Variants in NKAIN2 observed in about 807,000 individuals in gnomAD.
The protein encoded by NKAIN2 is sodium/potassium-transporting ATPase subunit beta-1-interacting protein 2.
A neutral mutation model predicts 32.6 loss-of-function variants in NKAIN2; 14 were observed. That is an observed-to-expected ratio of 0.43 (90% CI 0.28 to 0.67). The LOEUF (loss-of-function observed/expected upper bound fraction) is 0.67, where lower values mean the gene tolerates loss of function less well. Among genes scored for constraint, NKAIN2 ranks in the 30% least tolerant of loss-of-function variants. NKAIN2 has a pLI of 0.17. For missense variants in NKAIN2, 198 were observed against 258.3 expected, an observed-to-expected ratio of 0.77 and a Z score of 1.60; for synonymous variants, 80 against 87.2, an observed-to-expected ratio of 0.92 and a Z score of 0.46.
intron 2 of NKAIN2, among the ~76,000 whole-genome samples, chr6:124,348,351 G>A (rs1292815127): frequency 6.6e-6 from 1 of 152,190 alleles, no homozygotes; most frequent in Admixed American, 6.5e-5. Context: ...GAGAACCACT[G>A]CTCTCCTCAA....
At chr6:124,397,732 C>G (rs1305938708) in intron 3 of NKAIN2, among the ~76,000 whole-genome samples, 1 of 152,076 alleles carries the variant, frequency 6.6e-6, no homozygotes, top group Non-Finnish European at 1.5e-5. Context: ...GTCAGGTAGT[C>G]AGGTGTTATT....
At chr6:124,660,045 C>G (rs1345570912) in intron 4 of NKAIN2, among the ~76,000 whole-genome samples, 2 of 151,990 alleles carry the variant, frequency 1.3e-5, no homozygotes. Flanking sequence ...TGGAAGTAGC[C>G]ATTTCATTCT....
intron 1 of NKAIN2, among the ~76,000 whole-genome samples, chr6:124,126,941 C>A (rs1024704687): frequency 6.6e-6 from 1 of 151,808 alleles, no homozygotes; most frequent in Non-Finnish European, 1.5e-5. Context: ...AGAATGAGAC[C>A]CTGTCTCAAA....
At chr6:124,288,987 G>C (rs1174583919) in intron 2 of NKAIN2, among the ~76,000 whole-genome samples, 3 of 152,010 alleles carry the variant, frequency 2.0e-5, no homozygotes, top group Admixed American at 2.0e-4. Flanking sequence ...TACTGAAAAA[G>C]CAAGAGATGA....
intron 1 of NKAIN2, among the ~76,000 whole-genome samples, chr6:124,108,408 T>C (rs1336848174): frequency 2.0e-5 from 3 of 152,084 alleles, no homozygotes; most frequent in Non-Finnish European, 4.4e-5. Flanking sequence ...AGTGATTCCT[T>C]ATATATTTTA....
intron 4 of NKAIN2, among the ~76,000 whole-genome samples, chr6:124,773,877 C>T (rs1472375705): frequency 6.6e-6 from 1 of 152,190 alleles, no homozygotes; most frequent in Non-Finnish European, 1.5e-5. Context: ...GAAAATATTG[C>T]ATGCCTAAAA....
intron 1 of NKAIN2, among the ~76,000 whole-genome samples, chr6:123,885,334 T>G (rs537690098): frequency 1.3e-5 from 2 of 152,256 alleles, no homozygotes; most frequent in Non-Finnish European, 2.9e-5. Context: ...GACTTTGACA[T>G]CCTACAGTTT....
At chr6:124,010,287 A>G (rs1278200192) in intron 1 of NKAIN2, among the ~76,000 whole-genome samples, 1 of 151,964 alleles carries the variant, frequency 6.6e-6, no homozygotes, top group Non-Finnish European at 1.5e-5. Flanking sequence ...TTTAACTGAT[A>G]AGGGTCTACA....
intron 1 of NKAIN2, among the ~76,000 whole-genome samples, chr6:124,055,434 G>A (rs1782598472): frequency 6.6e-6 from 1 of 151,956 alleles, no homozygotes; most frequent in African/African-American, 2.4e-5. Flanking sequence ...AAATGGTAAG[G>A]TGATTTGAGA....
At chr6:124,662,639 G>T (rs143820807) in intron 4 of NKAIN2, among the ~76,000 whole-genome samples, 1 of 152,206 alleles carries the variant, frequency 6.6e-6, no homozygotes, top group Non-Finnish European at 1.5e-5. Context: ...TTTGCCATTT[G>T]TCTGGCTAAG....
At chr6:124,000,329 A>G (rs1228259079) in intron 1 of NKAIN2, among the ~76,000 whole-genome samples, 2 of 152,112 alleles carry the variant, frequency 1.3e-5, no homozygotes, top group Non-Finnish European at 2.9e-5. Context: ...ATGAGCCCAA[A>G]GTGAGAATAA....
At chr6:124,050,438 A>G (rs1190913571) in intron 1 of NKAIN2, among the ~76,000 whole-genome samples, 2 of 152,052 alleles carry the variant, frequency 1.3e-5, no homozygotes, top group Admixed American at 6.6e-5. Flanking sequence ...ACACAGGTTC[A>G]TTACCTGCAT....
At chr6:124,790,237 T>G (rs947432176) in intron 4 of NKAIN2, among the ~76,000 whole-genome samples, 4 of 152,130 alleles carry the variant, frequency 2.6e-5, no homozygotes, top group Non-Finnish European at 5.9e-5. Flanking sequence ...ATTAAATACC[T>G]ATTAGTGTAC....
chr6:124,652,792 G>A (rs985533907), intron 3 of NKAIN2, among the ~76,000 whole-genome samples: 5 of 152,094 alleles, frequency 3.3e-5, no homozygotes, highest in African/African-American at 4.8e-5. Flanking sequence ...GCATGATAAT[G>A]AAGCCCCACA....
At chr6:124,448,058 A>G (rs1204079505) in intron 3 of NKAIN2, among the ~76,000 whole-genome samples, 1 of 151,992 alleles carries the variant, frequency 6.6e-6, no homozygotes, top group East Asian at 1.9e-4. Flanking sequence ...ATTGGACTTA[A>G]CATAACATGT....
At chr6:124,614,145 G>A (rs927351107) in intron 3 of NKAIN2, among the ~76,000 whole-genome samples, 2 of 152,104 alleles carry the variant, frequency 1.3e-5, no homozygotes, top group African/African-American at 4.8e-5. Context: ...TGTAATCCCA[G>A]CACTTTGGGA....
chr6:124,731,442 A>C (rs984573727), intron 4 of NKAIN2, among the ~76,000 whole-genome samples: 79 of 149,866 alleles, frequency 5.3e-4, no homozygotes, highest in Non-Finnish European at 9.8e-4. Flanking sequence ...CATCATTCTC[A>C]GTAAACTATC....
Position 124,709,202 on chromosome 6 carries a change from G to T in NKAIN2, c.474+50816G>T, listed in dbSNP as rs1265443301. On this transcript the variant is annotated intron_variant, in intron 4 of 6. Transcript: ENST00000368417. ...CAGGGATGAAGCCCACTTGATCATG[G>T]TGGATAAGCTTTTTGATGTGCTGCT... Among the ~76,000 whole-genome samples, 17 of 147,298 alleles carry T rather than the reference G, an allele frequency of 1.2e-4. No homozygotes were observed. The South Asian group carries it at 3.3e-3, about 29-fold the overall frequency.
At chr6:123,929,894 G>A (rs1489758676) in intron 1 of NKAIN2, among the ~76,000 whole-genome samples, 1 of 151,922 alleles carries the variant, frequency 6.6e-6, no homozygotes, top group Non-Finnish European at 1.5e-5. Context: ...ACATCATGTG[G>A]GCACTCAAAA....
Sources: allele counts gnomAD v4.1 joint callset (sites outside exome capture counted in the v4.1 genomes callset), GRCh38; gene constraint gnomAD v4.1.1; transcripts MANE v1.5; gene names NCBI Gene and HGNC (gene_info 2026-07-23, HGNC 2026-07-21).